Variants in CBFB observed in about 807,000 individuals in gnomAD.
The protein encoded by CBFB is core-binding factor subunit beta.
In CBFB, 9 loss-of-function variants were observed where a neutral mutation model predicts 30.4. That is an observed-to-expected ratio of 0.30 (90% confidence interval 0.18 to 0.52). The LOEUF is 0.52. CBFB is among the 20% of genes least tolerant of loss of function. CBFB has a pLI of 0.97. For synonymous variants in CBFB, 94 were observed against 84.0 expected (o/e 1.12, Z -0.65); for missense variants, 170 against 244.0 (o/e 0.70, Z 2.02).
chr16:67,057,542 C>G (rs1490461682), intron 3 of CBFB, among the ~76,000 whole-genome samples: 2 of 152,154 alleles, frequency 1.3e-5, no homozygotes, highest in Non-Finnish European at 1.5e-5. Flanking sequence ...CCAGTTTACC[C>G]TCCCCCTGAC....
At chr16:67,042,378 G>C (rs1464360156) in intron 3 of CBFB, among the ~76,000 whole-genome samples, 1 of 151,606 alleles carries the variant, frequency 6.6e-6, no homozygotes, top group Admixed American at 6.6e-5. Flanking sequence ...CTAACTCCTG[G>C]CCTTAAGCAA....
chr16:67,032,121 A>G (rs939366964), intron 2 of CBFB, among the ~76,000 whole-genome samples: 5 of 152,118 alleles, frequency 3.3e-5, no homozygotes, highest in African/African-American at 1.2e-4. Flanking sequence ...AACCCATAGG[A>G]TATCTGAAAT....
chr16:67,040,271 A>G (rs1966507725), intron 3 of CBFB, among the ~76,000 whole-genome samples: 1 of 152,240 alleles, frequency 6.6e-6, no homozygotes, highest in Admixed American at 6.5e-5. Context: ...TGTTCCTTAT[A>G]TTGGATTCCA....
At chr16:67,087,529 T>G (rs1432041946) in intron 5 of CBFB, among the ~76,000 whole-genome samples, 1 of 152,204 alleles carries the variant, frequency 6.6e-6, no homozygotes, top group Non-Finnish European at 1.5e-5. Context: ...CACTCCAGCC[T>G]GGGCAACAGA....
intron 5 of CBFB, among the ~76,000 whole-genome samples, chr16:67,096,978 A>G (rs1375150946): frequency 2.0e-5 from 3 of 151,996 alleles, no homozygotes; most frequent in African/African-American, 7.2e-5. Context: ...TCATGCCTGT[A>G]ATTCCAGCAC....
At chr16:67,090,333 T>C (rs1300602052) in intron 5 of CBFB, among the ~76,000 whole-genome samples, 1 of 152,228 alleles carries the variant, frequency 6.6e-6, no homozygotes, top group South Asian at 2.1e-4. Flanking sequence ...GACGTTACTT[T>C]TGTGAAATGC....
In CBFB at chr16:67,087,275, A is replaced by G. The variant is rs531063101; in HGVS notation, c.495+4967A>G. On this transcript the variant is annotated intron_variant, in intron 5 of 5. Transcript: ENST00000412916. Reference sequence around the variant, plus strand: ...TAGATTAATTGACTAAGAATTTTCTATTCTAAATTGTGGTGGCTCACACCT... The same window carrying G: ...TAGATTAATTGACTAAGAATTTTCTGTTCTAAATTGTGGTGGCTCACACCT... Among the ~76,000 whole-genome samples the G allele has an allele frequency of 1.8e-4, 28 of 152,328 alleles. No homozygotes were observed. In the East Asian group the frequency reaches 3.7e-3, roughly 20 times the overall value.
At chr16:67,050,455 T>G (rs1018680400) in intron 3 of CBFB, among the ~76,000 whole-genome samples, 1 of 151,904 alleles carries the variant, frequency 6.6e-6, no homozygotes, top group African/African-American at 2.4e-5. Context: ...TAAAGTTTAG[T>G]TTATAAATTA....
chr16:67,067,915 T>C (rs1471830688), intron 4 of CBFB, among the ~76,000 whole-genome samples: 1 of 152,228 alleles, frequency 6.6e-6, no homozygotes, highest in Non-Finnish European at 1.5e-5. Flanking sequence ...ATTACACTCA[T>C]GTCATCCAGA....
chr16:67,029,589 G>T, intron 1 of CBFB, 104 bp downstream of exon 1: 1 of 1,330,216 alleles, frequency 7.5e-7, no homozygotes, highest in Non-Finnish European at 1.0e-6. Context: ...CGGTCGGTGC[G>T]CCCGCGGAGG....
intron 4 of CBFB, among the ~76,000 whole-genome samples, chr16:67,068,840 A>G (rs1961135228): frequency 6.6e-6 from 1 of 152,232 alleles, no homozygotes; most frequent in Non-Finnish European, 1.5e-5. Flanking sequence ...TTAATGTTAA[A>G]GGAAATTATG....
At chr16:67,074,574 G>A (rs918482909) in intron 4 of CBFB, among the ~76,000 whole-genome samples, 3 of 151,904 alleles carry the variant, frequency 2.0e-5, no homozygotes, top group Admixed American at 6.6e-5. Flanking sequence ...GTAGAGACGA[G>A]GTTTCACCAT....
chr16:67,072,283 C>T (rs189432476), intron 4 of CBFB, among the ~76,000 whole-genome samples: 22 of 152,172 alleles, frequency 1.4e-4, no homozygotes, highest in Admixed American at 1.4e-3. Context: ...AATAAAACAA[C>T]ATGTGCACAT....
intron 5 of CBFB, among the ~76,000 whole-genome samples, chr16:67,083,003 A>G (rs1247257860): frequency 2.0e-5 from 3 of 152,120 alleles, no homozygotes; most frequent in Non-Finnish European, 2.9e-5. Context: ...AGCCTGAGCA[A>G]CTCTGTCTCT....
intron 3 of CBFB, among the ~76,000 whole-genome samples, chr16:67,037,827 C>T (rs1223538040): frequency 2.0e-5 from 3 of 151,898 alleles, no homozygotes; most frequent in East Asian, 3.9e-4. Context: ...CGCCACCACG[C>T]CTGGCTAATT....
chr16:67,066,282 T>A (rs1961050051), intron 3 of CBFB, among the ~76,000 whole-genome samples: 1 of 151,360 alleles, frequency 6.6e-6, no homozygotes, highest in South Asian at 2.1e-4. Context: ...GCATGGTAGC[T>A]CACGCCTGTA....
At chr16:67,096,835 G>A (rs146393646) in intron 5 of CBFB, among the ~76,000 whole-genome samples, 2 of 151,600 alleles carry the variant, frequency 1.3e-5, no homozygotes, top group Admixed American at 1.3e-4. Flanking sequence ...TTAGCTGGGT[G>A]TGGTGGTGGG....
chr16:67,048,886 T>C (rs1166074567), intron 3 of CBFB, among the ~76,000 whole-genome samples: 10 of 142,074 alleles, frequency 7.0e-5, no homozygotes, highest in Non-Finnish European at 1.5e-4. Context: ...AATGGCGCCA[T>C]CTCAGCTCAC....
intron 3 of CBFB, among the ~76,000 whole-genome samples, chr16:67,053,741 A>G (rs1259085583): frequency 6.6e-6 from 1 of 151,538 alleles, no homozygotes; most frequent in Non-Finnish European, 1.5e-5. Context: ...CACTGAAACC[A>G]TTGCTCACCG....
Sources: allele counts gnomAD v4.1 joint callset (sites outside exome capture counted in the v4.1 genomes callset), GRCh38; gene constraint gnomAD v4.1.1; transcripts MANE v1.5; gene names NCBI Gene and HGNC (gene_info 2026-07-23, HGNC 2026-07-21).